SNTG1: variants seen among roughly 807,000 people sequenced by gnomAD.
SNTG1 encodes gamma-1-syntrophin.
Under a neutral mutation model 74.7 loss-of-function variants are expected in SNTG1, and 39 were observed. That is an observed-to-expected ratio of 0.52 (90% CI 0.40 to 0.68). The LOEUF (loss-of-function observed/expected upper bound fraction) is 0.68. Among genes scored for constraint, SNTG1 ranks in the 30% least tolerant of loss-of-function variants. SNTG1 has a pLI of 0.00. For synonymous variants in SNTG1, 254 were observed against 217.1 expected (o/e 1.17, Z -1.49); for missense variants, 685 against 609.5 (o/e 1.12, Z -1.30).
At chr8:50,204,246 T>A (rs2084106271) in intron 2 of SNTG1, among the ~76,000 whole-genome samples, 2 of 152,160 alleles carry the variant, frequency 1.3e-5, no homozygotes, top group African/African-American at 4.8e-5. Flanking sequence ...TTCTATTTCA[T>A]AATATCTCCA....
intron 1 of SNTG1, among the ~76,000 whole-genome samples, chr8:50,143,009 T>C (rs1243742204): frequency 1.3e-5 from 2 of 151,856 alleles, no homozygotes; most frequent in Admixed American, 6.6e-5. Flanking sequence ...AGGAGATGGA[T>C]GTTGCAATAA....
At chr8:50,515,062 T>C (rs1349142603) in intron 9 of SNTG1, among the ~76,000 whole-genome samples, 1 of 152,208 alleles carries the variant, frequency 6.6e-6, no homozygotes, top group Non-Finnish European at 1.5e-5. Context: ...ATCATTTGAA[T>C]GAAATATTTT....
chr8:50,679,521 G>T (rs572006424), intron 15 of SNTG1, among the ~76,000 whole-genome samples: 3 of 152,232 alleles, frequency 2.0e-5, no homozygotes, highest in Admixed American at 6.5e-5. Context: ...ACATGTTAGT[G>T]ATTTCTGACT....
At chr8:50,414,011 T>C (rs2092984142) in intron 4 of SNTG1, among the ~76,000 whole-genome samples, 1 of 152,222 alleles carries the variant, frequency 6.6e-6, no homozygotes, top group East Asian at 1.9e-4. Flanking sequence ...ATCCTATTTA[T>C]ATGCCGTATC....
At chr8:50,345,004 G>A (rs958743505) in intron 2 of SNTG1, among the ~76,000 whole-genome samples, 2 of 152,174 alleles carry the variant, frequency 1.3e-5, no homozygotes, top group African/African-American at 2.4e-5. Context: ...TGAGGACACA[G>A]GGAGAAGCAA....
chr8:50,612,412 TTTCTCTAAATTTCTC>T (rs1267626858), intron 13 of SNTG1, among the ~76,000 whole-genome samples: 1 of 152,214 alleles, frequency 6.6e-6, no homozygotes, highest in Non-Finnish European at 1.5e-5. Context: ...ATTAAAATGC[TTTCTCTAAATTTCTC>T]TTCATAATAC....
At chr8:50,319,050 A>G (rs1563890664) in intron 2 of SNTG1, among the ~76,000 whole-genome samples, 1 of 152,008 alleles carries the variant, frequency 6.6e-6, no homozygotes, top group African/African-American at 2.4e-5. Flanking sequence ...ATATATATCT[A>G]TGTATACAGA....
chr8:50,780,192 T>A (rs140899018), intron 18 of SNTG1, among the ~76,000 whole-genome samples: 2,524 of 152,326 alleles, frequency 0.017, 40 homozygotes, highest in Middle Eastern at 0.034. Flanking sequence ...TGCCTGGCTT[T>A]GGTATCAGGA....
chr8:50,737,327 T>G (rs2095531452), intron 17 of SNTG1, among the ~76,000 whole-genome samples: 1 of 152,154 alleles, frequency 6.6e-6, no homozygotes, highest in African/African-American at 2.4e-5. Flanking sequence ...GATAAATTCC[T>G]GGACACATAC....
At chr8:50,556,600 A>C (rs1169715776) in intron 12 of SNTG1, among the ~76,000 whole-genome samples, 2 of 152,210 alleles carry the variant, frequency 1.3e-5, no homozygotes, top group African/African-American at 4.8e-5. Context: ...TTTCTTATTA[A>C]ATAATTGAAG....
intron 2 of SNTG1, among the ~76,000 whole-genome samples, chr8:50,216,852 A>G (rs1480405385): frequency 4.6e-5 from 7 of 152,252 alleles, no homozygotes; most frequent in African/African-American, 1.7e-4. Context: ...TTATTCCAGA[A>G]TGCATGCCAG....
At chr8:49,928,501 G>C (rs1011423911) in intron 1 of SNTG1, among the ~76,000 whole-genome samples, 1 of 152,010 alleles carries the variant, frequency 6.6e-6, no homozygotes, top group African/African-American at 2.4e-5. Context: ...AAAGTGCTGG[G>C]ATTATAAGTG....
chr8:50,027,108 C>A (rs987507389), intron 1 of SNTG1, among the ~76,000 whole-genome samples: 5 of 152,146 alleles, frequency 3.3e-5, no homozygotes, highest in African/African-American at 1.2e-4. Flanking sequence ...CACATTATTT[C>A]TAACCATGTT....
intron 17 of SNTG1, among the ~76,000 whole-genome samples, chr8:50,720,304 G>C (rs528309223): frequency 2.1e-5 from 3 of 143,226 alleles, no homozygotes; most frequent in Non-Finnish European, 4.6e-5. Context: ...AATCTAAAAG[G>C]TGTTCCCTCT....
chr8:50,455,595 T>C (rs1389594047), intron 8 of SNTG1, among the ~76,000 whole-genome samples: 2 of 152,224 alleles, frequency 1.3e-5, no homozygotes, highest in African/African-American at 4.8e-5. Context: ...ATTTTGCTTG[T>C]TATGATATAT....
chr8:50,045,710 T>G (rs1003464950), intron 1 of SNTG1, among the ~76,000 whole-genome samples: 7 of 152,190 alleles, frequency 4.6e-5, no homozygotes, highest in African/African-American at 1.7e-4. Flanking sequence ...TTACATATAG[T>G]AAGACAAATA....
intron 2 of SNTG1, among the ~76,000 whole-genome samples, chr8:50,391,822 T>C (rs924645136): frequency 3.9e-5 from 6 of 152,110 alleles, no homozygotes; most frequent in Admixed American, 1.3e-4. Context: ...TTGAGTAAAA[T>C]GGCATTTTAC....
intron 9 of SNTG1, among the ~76,000 whole-genome samples, chr8:50,504,990 C>T (rs919959590): frequency 6.6e-6 from 1 of 152,074 alleles, no homozygotes; most frequent in Admixed American, 6.6e-5. Flanking sequence ...AAACAATTCC[C>T]TATTTTCCCC....
intron 15 of SNTG1, among the ~76,000 whole-genome samples, chr8:50,679,756 G>T (rs1442221825): frequency 1.3e-5 from 2 of 152,152 alleles, no homozygotes; most frequent in African/African-American, 2.4e-5. Context: ...GCAAGTGCTT[G>T]CTTGACACTA....
Sources: allele counts gnomAD v4.1 joint callset (sites outside exome capture counted in the v4.1 genomes callset), GRCh38; gene constraint gnomAD v4.1.1; transcripts MANE v1.5; gene names NCBI Gene and HGNC (gene_info 2026-07-23, HGNC 2026-07-21).